DHX57: variants seen among roughly 807,000 people sequenced by gnomAD.
DHX57 encodes the protein DExH-box helicase 57, also known as putative ATP-dependent RNA helicase DHX57.
DHX57 carries 105 observed loss-of-function variants against 156.2 expected under a neutral mutation model. The observed-to-expected ratio is 0.67, with a 90% CI of 0.57 to 0.79. The LOEUF (loss-of-function observed/expected upper bound fraction) is 0.79. DHX57 is among the 30% of genes least tolerant of loss of function. The pLI is 0.00. For missense variants in DHX57, 1,847 were observed against 1,661.9 expected (o/e 1.11, Z -1.94); for synonymous variants, 704 against 595.6 (o/e 1.18, Z -2.65).
rs756437463 is a variant in DHX57 at position 38,825,927 on chromosome 2, A to G, written c.2934T>C (p.Thr978=). Residue 978 remains threonine (T), a synonymous_variant, in exon 16 of 24, where the codon ACT becomes ACC. Transcript: ENST00000457308. ...VASGVCFHLF[T]SHHYNHQLLK... ...AAAGCTGGTGATTGTAGTGATGGCTAGTGAATAAATGGAAGCAGACCCCAG... is the reference window on the plus strand; with the variant it reads ...AAAGCTGGTGATTGTAGTGATGGCTGGTGAATAAATGGAAGCAGACCCCAG... 5 of 1,614,096 alleles carry G rather than the reference A, an allele frequency of 3.1e-6. No individual in the cohort carries two copies. The East Asian group carries it at 1.1e-4, about 36-fold the overall frequency.
intron 19 of DHX57, chr2:38,816,157 A>G: frequency 4.3e-6 from 2 of 470,546 alleles, no homozygotes; most frequent in South Asian, 3.1e-5. Context: ...TTTCTCCTTC[A>G]TTATGGTCTT....
intron 9 of DHX57, among the ~76,000 whole-genome samples, chr2:38,849,821 C>G (rs551762411): frequency 1.3e-4 from 20 of 152,304 alleles, no homozygotes; most frequent in Middle Eastern, 3.4e-3. Flanking sequence ...TCCCTCACTT[C>G]CTTCAAGTCC....
intron 1 of DHX57, among the ~76,000 whole-genome samples, chr2:38,871,621 T>C (rs189765988): frequency 7.2e-5 from 11 of 152,108 alleles, no homozygotes; most frequent in African/African-American, 2.7e-4. Flanking sequence ...ATCTGCGTAG[T>C]GTCATCTCAT....
At chr2:38,836,172 T>G (rs1368625237) in intron 13 of DHX57, among the ~76,000 whole-genome samples, 1 of 152,162 alleles carries the variant, frequency 6.6e-6, no homozygotes, top group Admixed American at 6.5e-5. Context: ...GAAGGATTGG[T>G]ACTATATAGA....
chr2:38,832,312 T>C (rs1219718786), intron 13 of DHX57, among the ~76,000 whole-genome samples: 1 of 150,894 alleles, frequency 6.6e-6, no homozygotes, highest in Non-Finnish European at 1.5e-5. Flanking sequence ...TGGTGGCACA[T>C]GCCTGTAGTC....
intron 5 of DHX57, among the ~76,000 whole-genome samples, chr2:38,860,779 C>A (rs1673151354): frequency 6.6e-6 from 1 of 152,222 alleles, no homozygotes. Flanking sequence ...TACAAACTTT[C>A]AACTCAGGGA....
intron 13 of DHX57, among the ~76,000 whole-genome samples, chr2:38,833,150 AT>A (rs530199469): frequency 2.0e-5 from 3 of 149,594 alleles, no homozygotes; most frequent in Non-Finnish European, 3.0e-5. Flanking sequence ...GAATTCTTTT[AT>A]TTTTTTTTGA....
Position 38,819,123 on chromosome 2 carries a change from C to CT in DHX57, c.3312dup (p.Glu1105ArgfsTer4). On this transcript the variant is annotated frameshift_variant, in exon 18 of 24. Transcript: ENST00000457308. LOFTEE classifies it high-confidence loss of function. Reference sequence around the variant, plus strand: ...TCCAGCTTTTTCTGGTTAGCTTCTTCTTTTTTATCCCAGGGAGATACCTAA... The same window carrying CT: ...TCCAGCTTTTTCTGGTTAGCTTCTTCTTTTTTTATCCCAGGGAGATACCTAA... The CT allele has an allele frequency of 1.2e-6, 2 of 1,613,894 alleles. No individual in the cohort carries two copies. Among genetic ancestry groups the CT allele is most frequent in the South Asian group, 1.1e-5 (1 of 91,072 alleles).
intron 23 of DHX57, 105 bp from the exon 24 acceptor site, chr2:38,798,547 C>G (rs769079599): frequency 3.9e-6 from 5 of 1,286,244 alleles, no homozygotes. Context: ...ATTTCTGGTA[C>G]TAATTTTAAC....
At chr2:38,799,437 C>CAAAAA (rs772099726) in intron 23 of DHX57, among the ~76,000 whole-genome samples, 17 of 95,590 alleles carry the variant, frequency 1.8e-4, no homozygotes, top group Admixed American at 7.9e-4. Context: ...CTTGTTGTCT[C>CAAAAA]AAAAAAAAAA....
intron 13 of DHX57, among the ~76,000 whole-genome samples, chr2:38,828,722 C>CAAA (rs775943686): frequency 5.0e-5 from 5 of 100,166 alleles, no homozygotes; most frequent in Admixed American, 1.1e-4. Flanking sequence ...GACCCTTTCT[C>CAAA]AAAAAAAAAA....
intron 16 of DHX57, 145 bp downstream of exon 16, chr2:38,825,702 G>A: frequency 1.2e-6 from 1 of 811,490 alleles, no homozygotes; most frequent in South Asian, 1.8e-5. Flanking sequence ...GCAACACTAA[G>A]GATATCTTTC....
rs1054868842 is a variant in DHX57 at position 38,829,925 on chromosome 2, T to C, written c.2543-1489A>G. Among the ~76,000 whole-genome samples the C allele has an allele frequency of 2.0e-5, 3 of 152,246 alleles. No homozygotes were observed. In the South Asian group the frequency reaches 6.2e-4, roughly 31 times the overall value. On this transcript the variant is annotated intron_variant, in intron 13 of 23. Transcript: ENST00000457308. The stretch of plus-strand genomic sequence containing the variant: ...TATCATGTTAACAGTTTATGGGCTT[T>C]TAAATTTTACATTAAATAAAATAAG...
chr2:38,826,822 C>T (rs1671110099), intron 14 of DHX57, 133 bp from the exon 15 acceptor site: 4 of 955,784 alleles, frequency 4.2e-6, no homozygotes, highest in Non-Finnish European at 4.6e-6. Context: ...GTCCTCAGAG[C>T]TCAGCTCTTC....
chr2:38,802,924 A>G lies in DHX57; in HGVS notation c.3817-9T>C, dbSNP rs750938267. The G allele has an allele frequency of 1.3e-5, 21 of 1,614,072 alleles. No homozygotes were observed. Among genetic ancestry groups the G allele is most frequent in the Non-Finnish European group, 1.6e-5 (19 of 1,179,992 alleles). On this transcript the variant is annotated splice_polypyrimidine_tract_variant and intron_variant, in intron 22 of 23. Transcript: ENST00000457308. ...CTGTCAAAGTGTCTCACCTGTAACA[A>G]AAAACCTCAGATGATGACAGTGATG...
At chr2:38,864,172 C>A (rs763008546) in intron 2 of DHX57, among the ~76,000 whole-genome samples, 1 of 151,366 alleles carries the variant, frequency 6.6e-6, no homozygotes, top group South Asian at 2.1e-4. Context: ...CTGAAAACCA[C>A]TGAGTTTCAT....
intron 12 of DHX57, chr2:38,838,768 T>C (rs116701216): frequency 2.8e-5 from 13 of 456,252 alleles, no homozygotes; most frequent in African/African-American, 2.4e-4. Flanking sequence ...AAGTGGTTGA[T>C]CTTCCCTGAA....
intron 14 of DHX57, 121 bp downstream of exon 14, chr2:38,828,219 C>A: frequency 1.6e-6 from 1 of 618,206 alleles, no homozygotes; most frequent in Non-Finnish European, 2.6e-6. Flanking sequence ...TGCTCATTTC[C>A]AGCTGGCATA....
intron 2 of DHX57, chr2:38,867,281 A>G (rs185872047): frequency 1.3e-5 from 2 of 152,306 alleles, no homozygotes; most frequent in African/African-American, 4.8e-5. Flanking sequence ...CTAACAATGC[A>G]TTTTTCAGAA....
Sources: gnomAD v4.1 joint callset for allele counts (sites outside exome capture counted in the v4.1 genomes callset) on GRCh38, gnomAD v4.1.1 for gene constraint, MANE v1.5 for transcripts, NCBI Gene and HGNC (gene_info 2026-07-23, HGNC 2026-07-21) for gene names.